The following PDE11A variants were observed in gnomAD, a reference collection of about 807,000 sequenced individuals.
PDE11A encodes the protein dual 3',5'-cyclic-AMP and -GMP phosphodiesterase 11A.
In PDE11A, 100 loss-of-function variants were observed where a neutral mutation model predicts 100.5. The ratio of observed to expected loss-of-function variants is 1.00; its 90% CI spans 0.85 to 1.18. The LOEUF is 1.18. Ranked by LOEUF, PDE11A falls within the 50% of genes most tolerant of loss-of-function variation. PDE11A has a pLI of 0.00. For synonymous variants in PDE11A, 381 were observed against 420.8 expected, an observed-to-expected ratio of 0.91 and a Z score of 1.16; for missense variants, 1,141 against 1,152.6, an observed-to-expected ratio of 0.99 and a Z score of 0.15.
intron 15 of PDE11A, among the ~76,000 whole-genome samples, chr2:177,689,344 A>C (rs1559144156): frequency 6.6e-6 from 1 of 152,148 alleles, no homozygotes; most frequent in Non-Finnish European, 1.5e-5. Flanking sequence ...GTTCTCCCAA[A>C]GTGCTGGGAT....
chr2:178,052,626 T>C (rs1674555712), intron 1 of PDE11A, among the ~76,000 whole-genome samples: 1 of 151,426 alleles, frequency 6.6e-6, no homozygotes, highest in African/African-American at 2.4e-5. Flanking sequence ...GCAAGACTAA[T>C]AAAGAAGAAA....
intron 2 of PDE11A, among the ~76,000 whole-genome samples, chr2:178,010,670 T>C (rs545157267): frequency 6.6e-6 from 1 of 152,324 alleles, no homozygotes. Context: ...TTCTCACTAA[T>C]AGGACAGTGA....
At chr2:178,010,561 T>C (rs141616228) in intron 2 of PDE11A, among the ~76,000 whole-genome samples, 274 of 152,340 alleles carry the variant, frequency 1.8e-3, no homozygotes, top group East Asian at 0.015. Context: ...GTCTTTGGAA[T>C]ATAACCTCAA....
At chr2:177,846,534 C>A (rs1472131837) in intron 5 of PDE11A, among the ~76,000 whole-genome samples, 1 of 152,204 alleles carries the variant, frequency 6.6e-6, no homozygotes, top group Admixed American at 6.5e-5. Flanking sequence ...CTCATCACCT[C>A]CCCCTGATTT....
At chr2:178,048,967 G>C (rs1045633567) in intron 1 of PDE11A, among the ~76,000 whole-genome samples, 19 of 152,126 alleles carry the variant, frequency 1.2e-4, no homozygotes, top group Admixed American at 1.0e-3. Context: ...CTGTGGCCCT[G>C]TGACCTCAGG....
chr2:177,845,315 G>A lies in PDE11A; in HGVS notation c.1368-4932C>T, dbSNP rs1203227365. Among the ~76,000 whole-genome samples the A allele has an allele frequency of 2.1e-4, 32 of 150,036 alleles. No individual in the cohort carries two copies. In the East Asian group the frequency reaches 3.8e-3, roughly 18 times the overall value. On this transcript the variant is annotated intron_variant, in intron 5 of 19. Coordinates refer to ENST00000286063, the MANE Select transcript of PDE11A (RefSeq NM_016953.4). Reference sequence around the variant, plus strand: ...CAGAGGGTCTCCTCACTTCTCAGACGGGGCGGCCGGGCAGAGTCGCTCCTC... The same window carrying A: ...CAGAGGGTCTCCTCACTTCTCAGACAGGGCGGCCGGGCAGAGTCGCTCCTC...
intron 9 of PDE11A, among the ~76,000 whole-genome samples, chr2:177,815,253 T>C (rs760263841): frequency 7.0e-6 from 1 of 143,264 alleles, no homozygotes; most frequent in Non-Finnish European, 1.5e-5. Flanking sequence ...CCACAAATAA[T>C]AATAGTATTA....
At chr2:177,903,009 T>C (rs1231358571) in intron 3 of PDE11A, among the ~76,000 whole-genome samples, 1 of 152,206 alleles carries the variant, frequency 6.6e-6, no homozygotes, top group Non-Finnish European at 1.5e-5. Flanking sequence ...CTCAAAATCA[T>C]CTAATGGCTT....
Position 178,072,528 on chromosome 2 carries a change from C to T in PDE11A, c.-91G>A, listed in dbSNP as rs2087150321. 2 of 1,573,816 alleles carry T rather than the reference C, an allele frequency of 1.3e-6. No individual in the cohort carries two copies. Among genetic ancestry groups the T allele is most frequent in the Non-Finnish European group, 1.7e-6 (2 of 1,166,428 alleles). Reference sequence around the variant, plus strand: ...AGCTGTTCCTGCACATGTTCACCCCCACCAGTATTCCCAGTTCAGCGCCAC... The same window carrying T: ...AGCTGTTCCTGCACATGTTCACCCCTACCAGTATTCCCAGTTCAGCGCCAC... On this transcript the variant is annotated 5_prime_UTR_variant, in exon 1 of 20. Coordinates refer to ENST00000286063, the MANE Select transcript of PDE11A (RefSeq NM_016953.4).
At chr2:177,940,782 T>C (rs79348717) in intron 2 of PDE11A, among the ~76,000 whole-genome samples, 15,925 of 152,220 alleles carry the variant, frequency 0.1, 1,145 homozygotes, top group Non-Finnish European at 0.15. Flanking sequence ...TCCCTGCACT[T>C]GAATATATAC....
At chr2:177,756,215 C>A (rs1009420496) in intron 10 of PDE11A, among the ~76,000 whole-genome samples, 1 of 152,154 alleles carries the variant, frequency 6.6e-6, no homozygotes. Flanking sequence ...TAGTGGGCCC[C>A]TGGTCTTTCA....
intron 18 of PDE11A, among the ~76,000 whole-genome samples, chr2:177,666,705 AT>A (rs2080591511): frequency 6.8e-6 from 1 of 146,476 alleles, no homozygotes; most frequent in Non-Finnish European, 1.5e-5. Context: ...TTCTTTGGAG[AT>A]ATGTCTGTTC....
chr2:177,677,113 G>A (rs2080788012), intron 16 of PDE11A, among the ~76,000 whole-genome samples: 1 of 152,204 alleles, frequency 6.6e-6, no homozygotes, highest in African/African-American at 2.4e-5. Flanking sequence ...CTTAGGTTCT[G>A]TCCAGTTGAT....
At position 177,629,166 on chromosome 2, in the gene PDE11A, C is replaced by G; in HGVS notation, c.*241G>C. ...CCCAGAGCCTTCATTTCAGCCCATGCGTGTTCATTAGGGAAAAGTGAGGGT... is the reference window on the plus strand; with the variant it reads ...CCCAGAGCCTTCATTTCAGCCCATGGGTGTTCATTAGGGAAAAGTGAGGGT... On this transcript the variant is annotated 3_prime_UTR_variant, in exon 20 of 20. Transcript: ENST00000286063. 1.8e-6 allele frequency: 1 copy of G among 545,594 alleles called. No homozygotes were observed. The highest frequency in any genetic ancestry group is 3.3e-6 in the Non-Finnish European group (1 of 303,128). The allele number at this position is 545,594 out of a possible 1,614,324, so 33.8% of individuals were successfully genotyped here.
chr2:177,746,619 G>A (rs1177528586), intron 10 of PDE11A, among the ~76,000 whole-genome samples: 2 of 152,340 alleles, frequency 1.3e-5, no homozygotes, highest in African/African-American at 4.8e-5. Context: ...TATCTCTCAA[G>A]GCAAACTTGG....
chr2:177,956,225 C>A (rs2085560336), intron 2 of PDE11A, among the ~76,000 whole-genome samples: 1 of 152,098 alleles, frequency 6.6e-6, no homozygotes, highest in South Asian at 2.1e-4. Context: ...AAAAAACAAA[C>A]AACCCCATCA....
chr2:177,832,120 G>C (rs539264927), intron 6 of PDE11A, among the ~76,000 whole-genome samples: 10 of 152,292 alleles, frequency 6.6e-5, no homozygotes, highest in African/African-American at 2.2e-4. Context: ...GCCAACAAAA[G>C]GCAGTCTCCT....
At chr2:177,838,108 AC>A (rs1283641374) in intron 6 of PDE11A, among the ~76,000 whole-genome samples, 2 of 152,220 alleles carry the variant, frequency 1.3e-5, no homozygotes, top group African/African-American at 4.8e-5. Flanking sequence ...CAGAAAAGGC[AC>A]CACAGATCCC....
rs181384984 is a variant in PDE11A at position 177,768,250 on chromosome 2, C to T, written c.1788+1073G>A. ...TTGGAACAAACATCTTCCTTTGCTC[C>T]CTTTCATCATTCATGCGCTTGTGTT... On this transcript the variant is annotated intron_variant, in intron 10 of 19. Coordinates refer to ENST00000286063, the MANE Select transcript of PDE11A (RefSeq NM_016953.4). Among the ~76,000 whole-genome samples the T allele has an allele frequency of 3.7e-3, 562 of 152,212 alleles. 9 individuals are homozygous for T. The highest frequency in any genetic ancestry group is 0.031 in the Admixed American group (481 of 15,276).
Sources: allele counts gnomAD v4.1 joint callset (sites outside exome capture counted in the v4.1 genomes callset), GRCh38; gene constraint gnomAD v4.1.1; transcripts MANE v1.5; gene names NCBI Gene and HGNC (gene_info 2026-07-23, HGNC 2026-07-21).